HDAC8: variants seen among roughly 807,000 people sequenced by gnomAD.
HDAC8 encodes histone deacetylase-like 1.
HDAC8 carries 1 observed loss-of-function variant against 32.2 expected under a neutral mutation model. That is an observed-to-expected ratio of 0.03 (90% CI 0.01 to 0.15). HDAC8 has a LOEUF of 0.15. Among genes scored for constraint, HDAC8 ranks in the 10% least tolerant of loss-of-function variants. HDAC8 has a pLI of 1.00. For synonymous variants in HDAC8, 108 were observed against 113.9 expected (o/e 0.95, Z 0.33); for missense variants, 117 against 300.0 (o/e 0.39, Z 4.51).
rs782398150 is a variant in HDAC8 at position 72,436,534 on chromosome X, C to T, written c.1005+25470G>A. On this transcript the variant is annotated intron_variant, in intron 9 of 10. Transcript: ENST00000373573. ...CAAGACATTCTCAGATGAAGGAAGA[C>T]GAAAAGAACTTATCAGCAGATCTAA... Among the ~76,000 whole-genome samples, 10 of 106,258 alleles carry T rather than the reference C, an allele frequency of 9.4e-5. No individual in the cohort carries two copies. In the South Asian group the frequency reaches 2.1e-3, roughly 22 times the overall value. The allele number at this position is 106,258 out of a possible 115,157, so 92.3% of individuals were successfully genotyped here.
intron 9 of HDAC8, among the ~76,000 whole-genome samples, chrX:72,410,452 G>T: frequency 1.8e-5 from 2 of 111,236 alleles, no homozygotes; most frequent in Middle Eastern, 4.6e-3. Context: ...CAAAGGTAGT[G>T]GGAATTTCTA....
intron 4 of HDAC8, among the ~76,000 whole-genome samples, chrX:72,560,686 T>C (rs1201710912): frequency 1.1e-4 from 12 of 110,258 alleles, no homozygotes; most frequent in Non-Finnish European, 2.1e-4. Flanking sequence ...TATAGGTTCT[T>C]TGTAGATGGC....
intron 9 of HDAC8, among the ~76,000 whole-genome samples, chrX:72,384,955 A>G (rs1050432094): frequency 1.1e-4 from 12 of 112,117 alleles, no homozygotes; most frequent in Admixed American, 2.8e-4. Flanking sequence ...TATGTTGCCA[A>G]TCTTCTACTG....
chrX:72,422,810 A>G (rs2147930325), intron 9 of HDAC8, among the ~76,000 whole-genome samples: 1 of 111,255 alleles, frequency 9.0e-6, no homozygotes, highest in African/African-American at 3.3e-5. Flanking sequence ...AGTTCTTTAC[A>G]TCTGTCATTT....
chrX:72,446,235 C>T (rs1555984718), intron 9 of HDAC8, among the ~76,000 whole-genome samples: 1 of 112,176 alleles, frequency 8.9e-6, no homozygotes, highest in Non-Finnish European at 1.9e-5. Context: ...CACACGCACA[C>T]GTATGTTTAT....
At chrX:72,442,059 T>C (rs1431447714) in intron 9 of HDAC8, among the ~76,000 whole-genome samples, 1 of 111,167 alleles carries the variant, frequency 9.0e-6, no homozygotes, top group Non-Finnish European at 1.9e-5. Context: ...CTACGTCTGA[T>C]TGGTGTACCT....
chrX:72,519,048 G>A (rs782691434), intron 4 of HDAC8, among the ~76,000 whole-genome samples: 8 of 112,418 alleles, frequency 7.1e-5, no homozygotes, highest in Non-Finnish European at 1.3e-4. Context: ...TTGTGTATAC[G>A]TTTTCATGTG....
chrX:72,329,745 C>A lies in HDAC8; in HGVS notation c.*309G>T. On this transcript the variant is annotated 3_prime_UTR_variant, in exon 11 of 11. Coordinates refer to ENST00000373573, the MANE Select transcript of HDAC8 (RefSeq NM_018486.3). ...TCATTTAAGATGATTAAAATACTCC[C>A]CTCCCCAATTCGCTTAAAAATAATT... 2 of 1,158,628 alleles carry A rather than the reference C, an allele frequency of 1.7e-6. No individual in the cohort carries two copies. The highest frequency in any genetic ancestry group is 2.3e-6 in the Non-Finnish European group (2 of 865,976).
intron 9 of HDAC8, among the ~76,000 whole-genome samples, chrX:72,400,221 T>G (rs1298230777): frequency 1.8e-5 from 2 of 111,935 alleles, no homozygotes; most frequent in African/African-American, 6.5e-5. Context: ...ACATACTTCT[T>G]TGGTGATCTC....
chrX:72,336,192 G>A (rs1203535089), intron 10 of HDAC8, among the ~76,000 whole-genome samples: 1 of 112,087 alleles, frequency 8.9e-6, no homozygotes, highest in Non-Finnish European at 1.9e-5. Context: ...AGCATTTGGT[G>A]TTGTCACTGC....
At chrX:72,524,456 A>T (rs2050075931) in intron 4 of HDAC8, among the ~76,000 whole-genome samples, 1 of 111,879 alleles carries the variant, frequency 8.9e-6, no homozygotes, top group South Asian at 3.8e-4. Flanking sequence ...TTAAGCCCAG[A>T]TGAGGCCTCA....
intron 9 of HDAC8, among the ~76,000 whole-genome samples, chrX:72,445,057 T>C (rs2047336384): frequency 9.3e-6 from 1 of 108,078 alleles, no homozygotes; most frequent in African/African-American, 3.4e-5. Flanking sequence ...GGAAGAACAT[T>C]CCATGCTCAT....
chrX:72,572,022 T>A, intron 2 of HDAC8, 35 bp downstream of exon 2: 1 of 1,132,315 alleles, frequency 8.8e-7, no homozygotes, highest in Non-Finnish European at 1.2e-6. Context: ...TACGAACACC[T>A]AGCTTCAGGG....
intron 4 of HDAC8, among the ~76,000 whole-genome samples, chrX:72,515,588 G>GT (rs1491147357): frequency 7.0e-5 from 2 of 28,606 alleles, no homozygotes; most frequent in Non-Finnish European, 9.6e-5. Context: ...CAGTGTGTGT[G>GT]GGGGGGGGGT....
chrX:72,467,691 G>A (rs1310299460), intron 7 of HDAC8: 4 of 296,938 alleles, frequency 1.3e-5, no homozygotes, highest in Non-Finnish European at 2.3e-5. Context: ...GTGCTTTGAA[G>A]GCATAATTAG....
At chrX:72,550,113 T>G (rs2051013655) in intron 4 of HDAC8, among the ~76,000 whole-genome samples, 1 of 111,730 alleles carries the variant, frequency 9.0e-6, no homozygotes, top group Non-Finnish European at 1.9e-5. Context: ...TTCTAGGGGA[T>G]GTATATGCAT....
chrX:72,469,204 G>T (rs2048102204), intron 7 of HDAC8, among the ~76,000 whole-genome samples: 1 of 109,235 alleles, frequency 9.2e-6, no homozygotes, highest in Admixed American at 9.8e-5. Context: ...TGTCTTTTGA[G>T]ACAGGGTCTC....
intron 7 of HDAC8, among the ~76,000 whole-genome samples, chrX:72,487,315 T>G (rs781922832): frequency 8.9e-6 from 1 of 111,850 alleles, no homozygotes; most frequent in East Asian, 2.8e-4. Context: ...TAGTAGGAAC[T>G]GGTCTACAGA....
rs1414943880 is a variant in HDAC8 at position 72,440,876 on chromosome X, A to G, written c.1005+21128T>C. Among the ~76,000 whole-genome samples the G allele has an allele frequency of 5.3e-5, 6 of 112,741 alleles. No homozygotes were observed. In the Admixed American group the frequency reaches 5.6e-4, roughly 10 times the overall value. On this transcript the variant is annotated intron_variant, in intron 9 of 10. Transcript: ENST00000373573. ...GGCTTAAAAAACGGCGCACCAGGACATTATATCCCGCACCTGGCTTGGGGG... is the reference window on the plus strand; with the variant it reads ...GGCTTAAAAAACGGCGCACCAGGACGTTATATCCCGCACCTGGCTTGGGGG...
Sources: gnomAD v4.1 joint callset for allele counts (sites outside exome capture counted in the v4.1 genomes callset) on GRCh38, gnomAD v4.1.1 for gene constraint, MANE v1.5 for transcripts, NCBI Gene and HGNC (gene_info 2026-07-23, HGNC 2026-07-21) for gene names.